Variants in RPP40 observed in about 807,000 individuals in gnomAD.
RPP40 encodes the protein ribonuclease P/MRP subunit p40, also known as ribonuclease P protein subunit p40.
Under a neutral mutation model 42.5 loss-of-function variants are expected in RPP40, and 30 were observed. The ratio of observed to expected loss-of-function variants is 0.71; its 90% CI spans 0.53 to 0.96. The LOEUF (loss-of-function observed/expected upper bound fraction) is 0.96, where lower values mean the gene tolerates loss of function less well. Among genes scored for constraint, RPP40 ranks in the 40% least tolerant of loss-of-function variants. RPP40 has a pLI of 0.00. For synonymous variants in RPP40, 173 were observed against 164.0 expected, an observed-to-expected ratio of 1.05 and a Z score of -0.42; for missense variants, 426 against 433.5, an observed-to-expected ratio of 0.98 and a Z score of 0.15.
chr6:4,997,030 T>C (rs1759406111), intron 5 of RPP40, among the ~76,000 whole-genome samples: 1 of 152,228 alleles, frequency 6.6e-6, no homozygotes. Flanking sequence ...TACAAAGGAC[T>C]GGAGTTCTTA....
chr6:4,988,949 A>G, the RPP40 span, among the ~76,000 whole-genome samples: 1 of 152,162 alleles, frequency 6.6e-6, no homozygotes, highest in African/African-American at 2.4e-5. Context: ...TATACGGGAG[A>G]TAAAGTTTTT....
At position 4,994,810 on chromosome 6, in the gene RPP40, C is replaced by G; in HGVS notation, c.*268G>C. 2.5e-6 allele frequency: 1 copy of G among 405,126 alleles called. No individual in the cohort carries two copies. The highest frequency in any genetic ancestry group is 6.0e-5 in the South Asian group (1 of 16,596). 25.1% of individuals were successfully genotyped at this position (405,126 alleles called of 1,614,324 possible). Reference sequence around the variant, plus strand: ...TGAGATGGGGACCAATATCCCCGGTCCCTGGACATCCTGGCCCAGTGTACC... The same window carrying G: ...TGAGATGGGGACCAATATCCCCGGTGCCTGGACATCCTGGCCCAGTGTACC... On this transcript the variant is annotated 3_prime_UTR_variant, in exon 8 of 8. Transcript: ENST00000380051.
chr6:5,002,346 G>T, intron 1 of RPP40, 101 bp from the exon 2 acceptor site: 2 of 997,604 alleles, frequency 2.0e-6, no homozygotes, highest in South Asian at 1.8e-5. Flanking sequence ...ATTTCTCCAC[G>T]AGTTTCACTG....
At position 4,995,213 on chromosome 6, in the gene RPP40, G is replaced by A. The variant is rs1255023808; in HGVS notation, c.957C>T (p.Asp319=). ...CATTTTTTTCCCAAGAAACAGGGCT[G>A]TCTGCAAAGCCTTGAACGGACAGTG... ...WVTLSVQGFA[D]SPVSWEKNEH... The change falls in exon 8 of 8, where the codon GAC becomes GAT. Residue 319 remains aspartate (D), a synonymous_variant. Transcript: ENST00000380051. 3 of 1,614,088 alleles carry A rather than the reference G, an allele frequency of 1.9e-6. No homozygotes were observed. Among genetic ancestry groups the A allele is most frequent in the Non-Finnish European group, 2.5e-6 (3 of 1,179,970 alleles).
Position 4,996,282 on chromosome 6 carries a change from A to T in RPP40, c.698T>A (p.Val233Glu). The T allele has an allele frequency of 6.2e-7, 1 of 1,614,124 alleles. No homozygotes were observed. ...GAAGAGCTCCAGAGCCCGGCAGGAC[A>T]CCTCTGGCGTTCCCTCCAGCTCGCT... ...QSSELEGTPE[V>E]SCRALELFDW... The change falls in exon 6 of 8, where the codon GTG becomes GAG. Residue 233 changes from valine to glutamate, a missense_variant. By Grantham distance (121) the Val-to-Glu change is moderately radical. Transcript: ENST00000380051.
chr6:4,991,130 T>C (rs1016511766), downstream of RPP40, among the ~76,000 whole-genome samples: 1 of 152,210 alleles, frequency 6.6e-6, no homozygotes, highest in African/African-American at 2.4e-5. Flanking sequence ...TTTTTCTCTA[T>C]TTTAAAAATT....
At chr6:4,992,633 G>GT (rs1226275881), downstream of RPP40, among the ~76,000 whole-genome samples, 1 of 151,850 alleles carries the variant, frequency 6.6e-6, no homozygotes, top group Non-Finnish European at 1.5e-5. Context: ...ATTAGGTCAT[G>GT]TTTTTTTCAA....
chr6:4,999,690 GAC>G, intron 4 of RPP40, 117 bp downstream of exon 4: 1 of 631,746 alleles, frequency 1.6e-6, no homozygotes, highest in Non-Finnish European at 2.9e-6. Flanking sequence ...TCAGAAGTTT[GAC>G]AGATTTTTTT....
In RPP40 at chr6:5,003,960, G is replaced by A. The variant is rs746211584; in HGVS notation, c.43C>T (p.Leu15=). The change falls in exon 1 of 8, where the codon CTG becomes TTG. Residue 15 remains leucine, a synonymous_variant. Coordinates refer to ENST00000380051, the MANE Select transcript of RPP40 (RefSeq NM_006638.4). ...CCGAAGTTGGATTTCTCGCAAACCA[G>A]TAAGTGCCGCGGCGCCTCCCGAAGC... ...RRLREAPRHL[L]VCEKSNFGNH... 8.1e-6 allele frequency: 13 copies of A among 1,613,208 alleles called. No individual in the cohort carries two copies. The highest frequency in any genetic ancestry group is 1.1e-5 in the Non-Finnish European group (13 of 1,179,710).
downstream of RPP40, among the ~76,000 whole-genome samples, chr6:4,993,149 C>G (rs1251582202): frequency 6.6e-6 from 1 of 152,228 alleles, no homozygotes; most frequent in Non-Finnish European, 1.5e-5. Context: ...TTATTTCCTT[C>G]AGAAGGCAGG....
chr6:5,000,669 A>C (rs959726537), intron 2 of RPP40, 38 bp from the exon 3 acceptor site: 1 of 1,202,076 alleles, frequency 8.3e-7, no homozygotes, highest in Non-Finnish European at 1.2e-6. Context: ...TTAAAACAAG[A>C]AATTACACCT....
rs1405425905 is a variant in RPP40 at position 5,003,362 on chromosome 6, AAAAAAG to A, written c.123+512_123+517del. Among the ~76,000 whole-genome samples, 20 of 149,676 alleles carry A rather than the reference AAAAAAG, an allele frequency of 1.3e-4. 1 individual carries two copies. Among genetic ancestry groups the A allele is most frequent in the African/African-American group, 4.2e-4 (17 of 40,474 alleles). ...ACTCCGTCTAAAAAAAAAAAAAAAA[AAAAAAG>A]GAAAATCAGTCGCTTCCTGGGCCGA... On this transcript the variant is annotated intron_variant, in intron 1 of 7. Transcript: ENST00000380051.
In RPP40 at chr6:5,004,019, G is replaced by A. The variant is rs56262509; in HGVS notation, c.-17C>T. The A allele has an allele frequency of 1.3e-3, 2,073 of 1,586,208 alleles. 26 individuals carry two copies. The African/African-American group carries it at 0.025, about 19-fold the overall frequency. On this transcript the variant is annotated 5_prime_UTR_variant, in exon 1 of 8. Transcript: ENST00000380051. ...CGTGGCCATGCTCTCCTGGGTTCCT[G>A]GTCCTCCCGGCCTCCGCTGGCGGGG...
At chr6:5,003,832 A>G in intron 1 of RPP40, 48 bp downstream of exon 1, 1 of 1,576,396 alleles carries the variant, frequency 6.3e-7, no homozygotes, top group South Asian at 1.1e-5. Flanking sequence ...CCTCTCTCGC[A>G]CGCGGGGACT....
chr6:4,990,751 G>A (rs1323762026), downstream of RPP40, among the ~76,000 whole-genome samples: 1 of 151,662 alleles, frequency 6.6e-6, no homozygotes, highest in Non-Finnish European at 1.5e-5. Flanking sequence ...AACATGCTGG[G>A]AATACAGGTG....
chr6:4,995,131 G>T lies in RPP40; in HGVS notation c.1039C>A (p.Gln347Lys). 1 of 1,614,054 alleles carries T rather than the reference G, an allele frequency of 6.2e-7. No homozygotes were observed. Among genetic ancestry groups the T allele is most frequent in the Non-Finnish European group, 8.5e-7 (1 of 1,179,940 alleles). Reference protein sequence around the residue: ...HLYNFVIFNNQDYWLQMAVGA... With the variant: ...HLYNFVIFNNKDYWLQMAVGA... ...ACAGCCATCTGAAGCCAATAGTCCT[G>T]ATTATTAAAAATCACAAAGTTATAT... The change falls in exon 8 of 8, where the codon CAG becomes AAG. Residue 347 changes from glutamine (Q) to lysine (K), a missense_variant. Gln to Lys is a moderately conservative substitution (Grantham distance 53, BLOSUM62 1). Coordinates refer to ENST00000380051, the MANE Select transcript of RPP40 (RefSeq NM_006638.4).
chr6:4,995,675 A>G (rs535787606), intron 7 of RPP40, among the ~76,000 whole-genome samples: 1 of 152,334 alleles, frequency 6.6e-6, no homozygotes, highest in South Asian at 2.1e-4. Flanking sequence ...TATCGAAGAA[A>G]GTCAAAGTAC....
downstream of RPP40, among the ~76,000 whole-genome samples, chr6:4,992,325 C>T (rs946465316): frequency 1.5e-4 from 22 of 146,914 alleles, no homozygotes; most frequent in Admixed American, 5.5e-4. Flanking sequence ...GCCGAGATTG[C>T]GCCACTGCAG....
At position 4,995,220 on chromosome 6, in the gene RPP40, A is replaced by G. The variant is rs1263295328; in HGVS notation, c.950T>C (p.Phe317Ser). The G allele has an allele frequency of 2.5e-6, 4 of 1,614,172 alleles. No individual in the cohort carries two copies. Among genetic ancestry groups the G allele is most frequent in the Admixed American group, 1.7e-5 (1 of 60,030 alleles). ...APWVTLSVQGFADSPVSWEKN... is the reference protein window; with the variant it reads ...APWVTLSVQGSADSPVSWEKN... ...TTCCCAAGAAACAGGGCTGTCTGCA[A>G]AGCCTTGAACGGACAGTGTAACCCA... is the stretch of plus-strand genomic sequence containing the variant. The change falls in exon 8 of 8, where the codon TTT (phenylalanine) becomes TCT (serine). Residue 317 changes from phenylalanine to serine, a missense_variant. Phe to Ser is a radical substitution (Grantham distance 155). Transcript: ENST00000380051.
Sources: allele counts gnomAD v4.1 joint callset (sites outside exome capture counted in the v4.1 genomes callset), GRCh38; gene constraint gnomAD v4.1.1; transcripts MANE v1.5; gene names NCBI Gene and HGNC (gene_info 2026-07-23, HGNC 2026-07-21).